Variants in PRDM4 observed in about 807,000 individuals in gnomAD.
PRDM4 encodes the protein PR/SET domain 4, also known as PR domain zinc finger protein 4.
In PRDM4, 38 loss-of-function variants were observed where a neutral mutation model predicts 62.3. The ratio of observed to expected loss-of-function variants is 0.61; its 90% CI spans 0.47 to 0.80. The LOEUF (loss-of-function observed/expected upper bound fraction) is 0.80. Ranked by LOEUF, PRDM4 falls within the 30% of genes least tolerant of loss-of-function variation. PRDM4 has a pLI of 0.00. For missense variants in PRDM4, 858 were observed against 997.1 expected, an observed-to-expected ratio of 0.86 and a Z score of 1.88; for synonymous variants, 339 against 348.2, an observed-to-expected ratio of 0.97 and a Z score of 0.30.
chr12:107,743,326 C>A, intron 7 of PRDM4, 44 bp from the exon 8 acceptor site: 1 of 1,338,296 alleles, frequency 7.5e-7, no homozygotes, highest in South Asian at 1.2e-5. Context: ...CACTGACATG[C>A]AATAAAGCAC....
chr12:107,752,135 T>C lies in PRDM4; in HGVS notation c.406A>G (p.Thr136Ala). The change falls in exon 5 of 12, where the codon ACA becomes GCA. Residue 136 changes from threonine (T) to alanine (A), a missense_variant. Thr to Ala is a moderately conservative substitution (Grantham distance 58). This residue lies in a region of PRDM4 where 499 missense variants were observed against 546.7 expected (regional missense o/e 0.91). Coordinates refer to ENST00000228437, the MANE Select transcript of PRDM4 (RefSeq NM_012406.4). ...HPNSINVDGNTALSITNNPSA... is the reference protein window; with the variant it reads ...HPNSINVDGNAALSITNNPSA... ...GGGTTATTGGTGATAGATAATGCTG[T>C]ATTACCATCAACATTTATAGAGTTA... 2 of 1,600,288 alleles carry C rather than the reference T, an allele frequency of 1.2e-6. No individual in the cohort carries two copies. The highest frequency in any genetic ancestry group is 1.7e-6 in the Non-Finnish European group (2 of 1,167,410).
intron 4 of PRDM4, among the ~76,000 whole-genome samples, chr12:107,753,374 A>AG (rs1423299784): frequency 6.7e-6 from 1 of 150,068 alleles, no homozygotes; most frequent in Admixed American, 6.6e-5. Flanking sequence ...CTCCATTAAA[A>AG]GAAAAAAAAA....
At chr12:107,744,098 A>G (rs1198393890) in intron 7 of PRDM4, among the ~76,000 whole-genome samples, 1 of 152,010 alleles carries the variant, frequency 6.6e-6, no homozygotes, top group Non-Finnish European at 1.5e-5. Context: ...TGGGCAACAG[A>G]GCAAGACTCC....
chr12:107,745,395 C>T (rs527850282), intron 6 of PRDM4, among the ~76,000 whole-genome samples: 1 of 152,124 alleles, frequency 6.6e-6, no homozygotes, highest in South Asian at 2.1e-4. Flanking sequence ...GATGCTGTCT[C>T]TACAAAAAAA....
At chr12:107,746,064 C>T (rs1194152497) in intron 6 of PRDM4, among the ~76,000 whole-genome samples, 4 of 152,138 alleles carry the variant, frequency 2.6e-5, no homozygotes, top group African/African-American at 4.8e-5. Flanking sequence ...AATACTGATT[C>T]TAACAAAGGA....
intron 5 of PRDM4, among the ~76,000 whole-genome samples, chr12:107,749,397 T>C (rs1593171216): frequency 9.4e-5 from 2 of 21,206 alleles, no homozygotes; most frequent in Admixed American, 4.8e-4. Context: ...TTCTGTTTGC[T>C]TTTTTTTTTT....
At chr12:107,750,011 A>T (rs1400080296) in intron 5 of PRDM4, among the ~76,000 whole-genome samples, 1 of 152,142 alleles carries the variant, frequency 6.6e-6, no homozygotes, top group Non-Finnish European at 1.5e-5. Flanking sequence ...GGTCTGTGCT[A>T]ACATGTATGT....
Position 107,753,021 on chromosome 12 carries a change from T to G in PRDM4, c.332-812A>C, listed in dbSNP as rs141292320. Among the ~76,000 whole-genome samples, 664 of 152,156 alleles carry G rather than the reference T, an allele frequency of 4.4e-3. 9 individuals are homozygous for G. The highest frequency in any genetic ancestry group is 0.015 in the African/African-American group (613 of 41,518). ...ACGTAGCAGCAAAGGAAAATACCCA[T>G]GTAACAGCAGAGAAAAAGATAAAGT... On this transcript the variant is annotated intron_variant, in intron 4 of 11. Coordinates refer to ENST00000228437, the MANE Select transcript of PRDM4 (RefSeq NM_012406.4).
At chr12:107,750,691 G>A (rs76603697) in intron 5 of PRDM4, among the ~76,000 whole-genome samples, 1 of 152,004 alleles carries the variant, frequency 6.6e-6, no homozygotes, top group Non-Finnish European at 1.5e-5. Flanking sequence ...TGCACTCTGA[G>A]CAAAGAAAAA....
intron 3 of PRDM4, among the ~76,000 whole-genome samples, chr12:107,754,503 C>A (rs1294182117): frequency 6.6e-6 from 1 of 152,074 alleles, no homozygotes; most frequent in African/African-American, 2.4e-5. Flanking sequence ...CTACCTCAGC[C>A]TCCTGAGTAG....
chr12:107,747,532 T>C (rs182109037), intron 5 of PRDM4, among the ~76,000 whole-genome samples: 2 of 152,272 alleles, frequency 1.3e-5, no homozygotes, highest in Non-Finnish European at 2.9e-5. Flanking sequence ...AAATTCTTAA[T>C]TTCTTATTTT....
chr12:107,746,350 G>C lies in PRDM4; in HGVS notation c.1201C>G (p.Pro401Ala), dbSNP rs1322798571. ...GAAAGCCTTGCTCTGCTCTCTATTGGAGTGTCAGGAACAAAAGTCACTGGT... is the reference window on the plus strand; with the variant it reads ...GAAAGCCTTGCTCTGCTCTCTATTGCAGTGTCAGGAACAAAAGTCACTGGT... Reference protein sequence around the residue: ...HGPVTFVPDTPIESRARLSLP... With the variant: ...HGPVTFVPDTAIESRARLSLP... Residue 401 changes from proline to alanine, a missense_variant, in exon 6 of 12, where the codon CCA becomes GCA. Transcript: ENST00000228437. The C allele has an allele frequency of 6.2e-7, 1 of 1,613,832 alleles. No individual in the cohort carries two copies. Among genetic ancestry groups the C allele is most frequent in the Non-Finnish European group, 8.5e-7 (1 of 1,179,914 alleles).
At chr12:107,739,592 T>C (rs756218621) in intron 10 of PRDM4, 41 bp from the exon 11 acceptor site, 1 of 1,583,826 alleles carries the variant, frequency 6.3e-7, no homozygotes, top group African/African-American at 1.3e-5. Flanking sequence ...AGAAAACAAC[T>C]GCTGGCATCC....
At chr12:107,743,011 C>G (rs1385953361) in intron 8 of PRDM4, among the ~76,000 whole-genome samples, 186 bp downstream of exon 8, 1 of 152,156 alleles carries the variant, frequency 6.6e-6, no homozygotes, top group Non-Finnish European at 1.5e-5. Flanking sequence ...AAGCGATTCT[C>G]CCACCTCAGC....
At chr12:107,743,943 C>T (rs958608714) in intron 7 of PRDM4, among the ~76,000 whole-genome samples, 3 of 151,948 alleles carry the variant, frequency 2.0e-5, no homozygotes, top group Admixed American at 6.6e-5. Context: ...GGGGAAACCC[C>T]GTCTCTACAA....
intron 5 of PRDM4, among the ~76,000 whole-genome samples, chr12:107,748,227 C>A (rs1890778924): frequency 6.6e-6 from 1 of 152,024 alleles, no homozygotes; most frequent in Admixed American, 6.6e-5. Flanking sequence ...TAACTGTTGG[C>A]AAAAATGTGG....
At position 107,751,837 on chromosome 12, in the gene PRDM4, A is replaced by G; in HGVS notation, c.704T>C (p.Leu235Pro). The change falls in exon 5 of 12, where the codon CTG becomes CCG. Residue 235 changes from leucine (L) to proline (P), a missense_variant. This residue lies in a region of PRDM4 where 499 missense variants were observed against 546.7 expected (regional missense o/e 0.91). Transcript: ENST00000228437. Reference protein sequence around the residue: ...IPNGSRSHEPLSVDSVSNNLA... With the variant: ...IPNGSRSHEPPSVDSVSNNLA... ...GTTGTTGCTCACAGAATCCACAGAC[A>G]GAGGTTCATGACTTCTGGAGCCATT... The G allele has an allele frequency of 1.2e-6, 2 of 1,614,238 alleles. No homozygotes were observed. The highest frequency in any genetic ancestry group is 2.2e-5 in the South Asian group (2 of 91,084).
In PRDM4 at chr12:107,734,129, T is replaced by TA; in HGVS notation, c.*80dup. ...AAAATAAATCAGGAACCATTTTATATAAAAACCATTATAGTAGATAACTGG... is the reference window on the plus strand; with the variant it reads ...AAAATAAATCAGGAACCATTTTATATAAAAAACCATTATAGTAGATAACTGG... On this transcript the variant is annotated 3_prime_UTR_variant, in exon 12 of 12. Transcript: ENST00000228437. 7.1e-7 allele frequency: 1 copy of TA among 1,401,546 alleles called. No homozygotes were observed. Among genetic ancestry groups the TA allele is most frequent in the South Asian group, 1.4e-5 (1 of 70,804 alleles). 86.8% of individuals were successfully genotyped at this position (1,401,546 alleles called of 1,614,324 possible).
intron 2 of PRDM4, 73 bp from the exon 3 acceptor site, chr12:107,757,038 C>A: frequency 1.3e-6 from 2 of 1,503,052 alleles, no homozygotes; most frequent in Non-Finnish European, 9.1e-7. Flanking sequence ...ACTGAAGAAA[C>A]TGAAACAGTG....
Sources: allele counts gnomAD v4.1 joint callset (sites outside exome capture counted in the v4.1 genomes callset), GRCh38; gene constraint gnomAD v4.1.1; regional missense constraint gnomAD v4.1.1; transcripts MANE v1.5; gene names NCBI Gene and HGNC (gene_info 2026-07-23, HGNC 2026-07-21).